Variants in MAPKBP1 observed in about 807,000 individuals in gnomAD.
The protein encoded by MAPKBP1 is mitogen-activated protein kinase-binding protein 1.
Under a neutral mutation model 170.5 loss-of-function variants are expected in MAPKBP1, and 71 were observed. The ratio of observed to expected loss-of-function variants is 0.42; its 90% CI spans 0.34 to 0.51. The LOEUF (loss-of-function observed/expected upper bound fraction) is 0.51, where lower values mean the gene tolerates loss of function less well. Among genes scored for constraint, MAPKBP1 ranks in the 20% least tolerant of loss-of-function variants. MAPKBP1 has a pLI of 0.06. For missense variants in MAPKBP1, 1,598 were observed against 1,933.0 expected (o/e 0.83, Z 3.25); for synonymous variants, 719 against 757.9 (o/e 0.95, Z 0.84).
At chr15:41,791,507 G>A (rs565280705) in intron 2 of MAPKBP1, among the ~76,000 whole-genome samples, 4 of 152,330 alleles carry the variant, frequency 2.6e-5, no homozygotes, top group African/African-American at 9.6e-5. Context: ...ACCTGGACTC[G>A]CTTCCATTGG....
At position 41,789,305 on chromosome 15, in the gene MAPKBP1, T is replaced by C. The variant is rs535580750; in HGVS notation, c.115-10518T>C. Among the ~76,000 whole-genome samples, 652 of 150,578 alleles carry C rather than the reference T, an allele frequency of 4.3e-3. 3 individuals are homozygous for C. The highest frequency in any genetic ancestry group is 0.015 in the African/African-American group (620 of 41,070). ...CTGACTTTAGAGGAAAAAAAAAAAC[T>C]ACAACTCCACCCCCACCCGAATTCT... On this transcript the variant is annotated intron_variant, in intron 2 of 30. Coordinates refer to ENST00000457542, the MANE Select transcript of MAPKBP1 (RefSeq NM_014994.3).
rs948888473 is a variant in MAPKBP1 at position 41,781,945 on chromosome 15, C to A, written c.114+6556C>A. Among the ~76,000 whole-genome samples, 11 of 151,942 alleles carry A rather than the reference C, an allele frequency of 7.2e-5. 1 individual carries two copies. The highest frequency in any genetic ancestry group is 2.6e-4 in the Admixed American group (4 of 15,248). On this transcript the variant is annotated intron_variant, in intron 2 of 30. Coordinates refer to ENST00000457542, the MANE Select transcript of MAPKBP1 (RefSeq NM_014994.3). The stretch of plus-strand genomic sequence containing the variant: ...GATGCTAGCACTTAAGAAAACAAGA[C>A]TTTAAAAAATTATGAAATACAGGCC...
intron 27 of MAPKBP1, 96 bp from the exon 28 acceptor site, chr15:41,822,843 C>T: frequency 2.0e-6 from 3 of 1,502,592 alleles, no homozygotes; most frequent in Non-Finnish European, 2.7e-6. Flanking sequence ...TGTGCTTGTT[C>T]TCTCCTAGTG....
chr15:41,783,707 C>T (rs1290440218), intron 2 of MAPKBP1, among the ~76,000 whole-genome samples: 6 of 152,124 alleles, frequency 3.9e-5, no homozygotes, highest in Admixed American at 2.0e-4. Context: ...GTTGTGGGCG[C>T]GTAGCTGGGA....
At chr15:41,793,603 C>T (rs919135966) in intron 2 of MAPKBP1, among the ~76,000 whole-genome samples, 1 of 152,154 alleles carries the variant, frequency 6.6e-6, no homozygotes, top group African/African-American at 2.4e-5. Flanking sequence ...ATAGACATAA[C>T]CCGCATAAAC....
intron 3 of MAPKBP1, among the ~76,000 whole-genome samples, chr15:41,810,249 G>A (rs1003326286): frequency 3.9e-5 from 6 of 152,330 alleles, no homozygotes; most frequent in African/African-American, 1.2e-4. Context: ...GTATGCACAA[G>A]GGCTGCGGGA....
chr15:41,811,235 G>T lies in MAPKBP1; in HGVS notation c.327G>T (p.Glu109Asp). ...SPDGKYLVTG[E>D]SGHMPAVRVW... The stretch of plus-strand genomic sequence containing the variant: ...ATGGCAAGTACTTGGTCACTGGAGA[G>T]GTGAGTGAGGAAGAGGGCTGGCAGT... The change falls in exon 5 of 31, where the codon GAG (glutamate) becomes GAT (aspartate). Residue 109 changes from glutamate to aspartate, a missense_variant and splice_region_variant. Physicochemically the swap from Glu to Asp is conservative, Grantham distance 45. Coordinates refer to ENST00000457542, the MANE Select transcript of MAPKBP1 (RefSeq NM_014994.3). 2.5e-6 allele frequency: 4 copies of T among 1,614,262 alleles called. No homozygotes were observed. The highest frequency in any genetic ancestry group is 3.4e-6 in the Non-Finnish European group (4 of 1,180,038).
Position 41,816,929 on chromosome 15 carries a change from G to C in MAPKBP1, c.1605G>C (p.Ser535=), listed in dbSNP as rs748740896. 17 of 1,610,422 alleles carry C rather than the reference G, an allele frequency of 1.1e-5. No individual in the cohort carries two copies. The Admixed American group carries it at 2.3e-4, about 22-fold the overall frequency. ...CCCCAGGTCTGAAACTGCTAGCATC[G>C]GCGAGCCGGGACCGGCTGATCCATG... ...KPDTGLKLLA[S]ASRDRLIHVL... The change falls in exon 14 of 31, where the codon TCG becomes TCC. Residue 535 remains serine, a synonymous_variant. Transcript: ENST00000457542.
rs1286612306 is a variant in MAPKBP1, at chr15:41,825,796, C to T, written c.*360C>T. The T allele has an allele frequency of 1.0e-5, 2 of 197,624 alleles. No individual in the cohort carries two copies. Among genetic ancestry groups the T allele is most frequent in the African/African-American group, 2.3e-5 (1 of 43,004 alleles). The allele number at this position is 197,624 out of a possible 1,614,324, so 12.2% of individuals were successfully genotyped here. A position where few individuals can be genotyped will look rare whatever the true frequency, so the allele number is the denominator to read the frequency against. On this transcript the variant is annotated 3_prime_UTR_variant, in exon 31 of 31. Coordinates refer to ENST00000457542, the MANE Select transcript of MAPKBP1 (RefSeq NM_014994.3). ...TTTGAAATTACTGCAGGGATTAGCT[C>T]CCTGTGGTGGAGCATACACAGGGTA... is the stretch of plus-strand genomic sequence containing the variant.
chr15:41,810,674 C>T, intron 3 of MAPKBP1: 3 of 538,502 alleles, frequency 5.6e-6, no homozygotes, highest in South Asian at 5.0e-5. Context: ...GCCATGTTTG[C>T]ACCACTGCAC....
intron 2 of MAPKBP1, among the ~76,000 whole-genome samples, chr15:41,785,733 A>G (rs552633082): frequency 6.6e-6 from 1 of 152,334 alleles, no homozygotes; most frequent in Non-Finnish European, 1.5e-5. Context: ...GCTTAAAAAA[A>G]TAAAGATACA....
chr15:41,823,107 G>T lies in MAPKBP1; in HGVS notation c.3483G>T (p.Leu1161=). 24 of 1,613,816 alleles carry T rather than the reference G, an allele frequency of 1.5e-5. No homozygotes were observed. The highest frequency in any genetic ancestry group is 2.0e-5 in the Non-Finnish European group (24 of 1,180,002). The part of the protein sequence containing the change: ...NPSPQQAASV[L]LPRCRLNPDS... ...GCCCCCAGCAGGCAGCCTCTGTGCT[G>T]TTGCCACGATGCCGTCTCAACCCTG... Residue 1161 remains leucine (L), a synonymous_variant, in exon 28 of 31, where the codon CTG becomes CTT. Transcript: ENST00000457542.
intron 5 of MAPKBP1, chr15:41,811,446 C>A: frequency 1.4e-6 from 1 of 703,852 alleles, no homozygotes; most frequent in Non-Finnish European, 2.6e-6. Flanking sequence ...CTAGCCTGGT[C>A]CTCAGAGTTT....
chr15:41,798,475 G>A (rs1031515108), intron 2 of MAPKBP1, among the ~76,000 whole-genome samples: 1 of 151,732 alleles, frequency 6.6e-6, no homozygotes, highest in Non-Finnish European at 1.5e-5. Context: ...TAGAGATGAG[G>A]TTTCACTATG....
At chr15:41,819,677 T>C (rs773121414) in intron 22 of MAPKBP1, 27 bp downstream of exon 22, 2 of 1,599,448 alleles carry the variant, frequency 1.3e-6, no homozygotes, top group Non-Finnish European at 1.7e-6. Flanking sequence ...AAAATGTTCT[T>C]CCAAGGTTAG....
chr15:41,812,036 G>T lies in MAPKBP1; in HGVS notation c.407G>T (p.Gly136Val). 6.2e-7 allele frequency: 1 copy of T among 1,614,150 alleles called. No individual in the cohort carries two copies. ...QVAELQEHKY[G>V]VACVAFSPSA... Reference sequence around the variant, plus strand: ...GCCGAGCTGCAGGAGCACAAGTATGGTGTGGCTTGTGTGGCCTTCTCTCCT... The same window carrying T: ...GCCGAGCTGCAGGAGCACAAGTATGTTGTGGCTTGTGTGGCCTTCTCTCCT... Residue 136 changes from glycine to valine, a missense_variant, in exon 6 of 31, where the codon GGT becomes GTT. Gly to Val is a moderately radical substitution (Grantham distance 109). Coordinates refer to ENST00000457542, the MANE Select transcript of MAPKBP1 (RefSeq NM_014994.3).
rs2064905780 is a variant in MAPKBP1, at chr15:41,817,147, G to T, written c.1711+112G>T. On this transcript the variant is annotated intron_variant, in intron 14 of 30. Transcript: ENST00000457542. The surrounding 1 kb of genome is among the most constrained non-coding windows in gnomAD (Gnocchi z 4.2). Reference sequence around the variant, plus strand: ...TGTGGGGGAGTGTTGGACAGCAGCTGGGAGGCCTGGAGCTGGTTGGGAAGA... The same window carrying T: ...TGTGGGGGAGTGTTGGACAGCAGCTTGGAGGCCTGGAGCTGGTTGGGAAGA... 1 of 1,482,488 alleles carries T rather than the reference G, an allele frequency of 6.7e-7. No homozygotes were observed. Among genetic ancestry groups the T allele is most frequent in the Non-Finnish European group, 9.0e-7 (1 of 1,106,814 alleles). 91.8% of individuals were successfully genotyped at this position (1,482,488 alleles called of 1,614,324 possible).
intron 9 of MAPKBP1, 67 bp downstream of exon 9, chr15:41,813,848 C>T: frequency 1.3e-6 from 2 of 1,489,500 alleles, no homozygotes; most frequent in Non-Finnish European, 1.8e-6. Context: ...CTTGTCAGTG[C>T]CTCAGGGAGC....
At position 41,821,684 on chromosome 15, in the gene MAPKBP1, A is replaced by C; in HGVS notation, c.2819A>C (p.Glu940Ala). ...GAAGGGGTCTTTGCCCAAGATCTGG[A>C]ACCTGCACCCATTGAAGATGGTATT... ...QEEGVFAQDL[E>A]PAPIEDGIVY... is the part of the protein sequence containing the mutation. Residue 940 changes from glutamate to alanine, a missense_variant, in exon 24 of 31, where the codon GAA (glutamate) becomes GCA (alanine). This residue lies in a region of MAPKBP1 where 942 missense variants were observed against 953.2 expected (regional missense o/e 0.99). Coordinates refer to ENST00000457542, the MANE Select transcript of MAPKBP1 (RefSeq NM_014994.3). 6.2e-7 allele frequency: 1 copy of C among 1,614,162 alleles called. No homozygotes were observed. The highest frequency in any genetic ancestry group is 8.5e-7 in the Non-Finnish European group (1 of 1,180,018).
Sources: gnomAD v4.1 joint callset for allele counts (sites outside exome capture counted in the v4.1 genomes callset) on GRCh38, gnomAD v4.1.1 for gene constraint, gnomAD v4.1.1 regional missense constraint, Gnocchi (gnomAD v3.1) non-coding constraint, MANE v1.5 for transcripts, NCBI Gene and HGNC (gene_info 2026-07-23, HGNC 2026-07-21) for gene names.